The following EPHB1 variants were observed in gnomAD, a reference collection of about 807,000 sequenced individuals.
EPHB1 encodes the protein ephrin type-B receptor 1.
In EPHB1, 30 loss-of-function variants were observed where a neutral mutation model predicts 94.4. The observed-to-expected ratio is 0.32, with a 90% CI of 0.24 to 0.43. EPHB1 has a LOEUF of 0.43. EPHB1 is among the 20% of genes least tolerant of loss of function. The pLI is 1.00. For synonymous variants in EPHB1, 522 were observed against 489.1 expected (o/e 1.07, Z -0.89); for missense variants, 1,055 against 1,308.3 (o/e 0.81, Z 2.99).
At chr3:134,815,977 G>A (rs909532438) in intron 1 of EPHB1, among the ~76,000 whole-genome samples, 1 of 145,326 alleles carries the variant, frequency 6.9e-6, no homozygotes, top group Non-Finnish European at 1.5e-5. Context: ...GATGCAGAAA[G>A]ATTAAGTAAC....
intron 3 of EPHB1, among the ~76,000 whole-genome samples, chr3:135,036,307 G>T (rs1021025465): frequency 3.3e-5 from 5 of 152,224 alleles, no homozygotes; most frequent in African/African-American, 1.2e-4. Flanking sequence ...CAACCAAGCA[G>T]CTGGGGGTTG....
At chr3:134,909,118 G>GGGT (rs1176906754) in intron 1 of EPHB1, among the ~76,000 whole-genome samples, 1 of 118,112 alleles carries the variant, frequency 8.5e-6, no homozygotes, top group African/African-American at 3.1e-5. Context: ...GTGGGGGCGG[G>GGGT]GGGCGGGCTG....
At chr3:135,098,910 G>A (rs1017042158) in intron 3 of EPHB1, among the ~76,000 whole-genome samples, 1 of 151,304 alleles carries the variant, frequency 6.6e-6, no homozygotes, top group Admixed American at 6.6e-5. Flanking sequence ...CTACTCGGGA[G>A]GCTGAGGCAG....
intron 12 of EPHB1, among the ~76,000 whole-genome samples, chr3:135,236,857 C>A (rs1305439931): frequency 1.3e-5 from 2 of 152,218 alleles, no homozygotes; most frequent in Non-Finnish European, 2.9e-5. Context: ...ACCCTCTGGG[C>A]TTCTCAACAA....
intron 3 of EPHB1, among the ~76,000 whole-genome samples, chr3:134,990,816 C>T (rs1452807349): frequency 6.6e-6 from 1 of 152,178 alleles, no homozygotes; most frequent in South Asian, 2.1e-4. Context: ...TGAATCTGCA[C>T]ATGTGGAAAC....
intron 3 of EPHB1, among the ~76,000 whole-genome samples, chr3:135,073,879 T>C (rs1190309221): frequency 6.6e-6 from 1 of 152,200 alleles, no homozygotes; most frequent in Admixed American, 6.5e-5. Flanking sequence ...GTTTAGCGTG[T>C]TCCTCTGTCC....
rs542314470 is a variant in EPHB1, at chr3:134,856,657, C to T, written c.58+60968C>T. Among the ~76,000 whole-genome samples the T allele has an allele frequency of 2.0e-5, 3 of 152,296 alleles. No individual in the cohort carries two copies. In the South Asian group the frequency reaches 6.2e-4, roughly 32 times the overall value. ...TGTGGCTAGTCGCAACTGAGAGGTG[C>T]TGTCGATGTAAAATGCACCCTTGTT... On this transcript the variant is annotated intron_variant, in intron 1 of 15. Transcript: ENST00000398015.
chr3:135,227,460 A>C (rs1373620906), intron 12 of EPHB1, among the ~76,000 whole-genome samples: 1 of 152,158 alleles, frequency 6.6e-6, no homozygotes, highest in Non-Finnish European at 1.5e-5. Context: ...ACTCTCAAAA[A>C]AATGGTCTCA....
intron 2 of EPHB1, among the ~76,000 whole-genome samples, chr3:134,950,370 T>C (rs1932978951): frequency 6.6e-6 from 1 of 152,256 alleles, no homozygotes; most frequent in African/African-American, 2.4e-5. Flanking sequence ...TTAAGGGTTC[T>C]TCTTAGCAGC....
At chr3:135,183,279 C>G (rs375945007) in intron 10 of EPHB1, among the ~76,000 whole-genome samples, 11 of 137,852 alleles carry the variant, frequency 8.0e-5, no homozygotes, top group African/African-American at 2.9e-4. Flanking sequence ...TTCCTTCCTT[C>G]CTTCCTTCCT....
chr3:135,044,064 G>T (rs377547818), intron 3 of EPHB1, among the ~76,000 whole-genome samples: 1 of 152,186 alleles, frequency 6.6e-6, no homozygotes, highest in Non-Finnish European at 1.5e-5. Flanking sequence ...ATCAGAAAAT[G>T]GATTCTAATT....
chr3:135,185,082 A>G (rs1261260022), intron 10 of EPHB1, among the ~76,000 whole-genome samples: 2 of 152,206 alleles, frequency 1.3e-5, no homozygotes, highest in African/African-American at 2.4e-5. Flanking sequence ...TGCCATTTGT[A>G]TTTTCATGAA....
At chr3:134,860,798 C>CAAAAAA (rs10666494) in intron 1 of EPHB1, among the ~76,000 whole-genome samples, 43 of 93,642 alleles carry the variant, frequency 4.6e-4, no homozygotes, top group African/African-American at 7.1e-4. Flanking sequence ...GGCCAGGTGA[C>CAAAAAA]AAAAAAAAAA....
At chr3:135,095,703 C>T (rs760301182) in intron 3 of EPHB1, among the ~76,000 whole-genome samples, 1 of 152,290 alleles carries the variant, frequency 6.6e-6, no homozygotes, top group African/African-American at 2.4e-5. Flanking sequence ...TGTGCCTGAG[C>T]CTGAGCACTC....
chr3:135,188,782 G>T (rs1942392864), intron 10 of EPHB1, among the ~76,000 whole-genome samples: 1 of 152,160 alleles, frequency 6.6e-6, no homozygotes, highest in South Asian at 2.1e-4. Context: ...AATTACAGGG[G>T]CGAACATAAT....
intron 3 of EPHB1, among the ~76,000 whole-genome samples, chr3:135,006,773 A>T (rs1314959818): frequency 2.0e-5 from 3 of 152,264 alleles, no homozygotes; most frequent in Admixed American, 2.0e-4. Flanking sequence ...AAATGGGGTT[A>T]CAAAGTGGGA....
chr3:135,201,219 C>T lies in EPHB1; in HGVS notation c.2131-255C>T, dbSNP rs962360482. On this transcript the variant is annotated intron_variant, in intron 11 of 15. Coordinates refer to ENST00000398015, the MANE Select transcript of EPHB1 (RefSeq NM_004441.5). Reference sequence around the variant, plus strand: ...GATGATGGCGACTTGGTTGGACTGGCGGCAGTGGAGATGGAAAGAAGTGAA... The same window carrying T: ...GATGATGGCGACTTGGTTGGACTGGTGGCAGTGGAGATGGAAAGAAGTGAA... Among the ~76,000 whole-genome samples the T allele has an allele frequency of 5.3e-5, 8 of 151,610 alleles. No homozygotes were observed. In the South Asian group the frequency reaches 1.3e-3, roughly 24 times the overall value.
intron 9 of EPHB1, among the ~76,000 whole-genome samples, chr3:135,173,391 G>C (rs1941873147): frequency 1.3e-5 from 2 of 152,206 alleles, no homozygotes; most frequent in Non-Finnish European, 2.9e-5. Context: ...TTGGGAGACA[G>C]ATGTTCAGTA....
intron 3 of EPHB1, among the ~76,000 whole-genome samples, chr3:134,995,508 A>G (rs951298559): frequency 6.6e-6 from 1 of 152,208 alleles, no homozygotes; most frequent in Admixed American, 6.5e-5. Context: ...TTTTCTAGAG[A>G]TGACTAATGA....
Sources: gnomAD v4.1 joint callset for allele counts (sites outside exome capture counted in the v4.1 genomes callset) on GRCh38, gnomAD v4.1.1 for gene constraint, MANE v1.5 for transcripts, NCBI Gene and HGNC (gene_info 2026-07-23, HGNC 2026-07-21) for gene names.